Variants in SHISAL1 observed in about 807,000 individuals in gnomAD.
SHISAL1 encodes the protein shisa like 1, also known as protein shisa-like-1.
In SHISAL1, 9 loss-of-function variants were observed where a neutral mutation model predicts 22.6. That is an observed-to-expected ratio of 0.40 (90% confidence interval 0.24 to 0.70). The LOEUF (loss-of-function observed/expected upper bound fraction) is 0.70. Among genes scored for constraint, SHISAL1 ranks in the 30% least tolerant of loss-of-function variants. The probability of loss-of-function intolerance (pLI) is 0.39; values close to 1 mark genes in which losing one functional copy is unlikely to be tolerated. For missense variants in SHISAL1, 246 were observed against 270.6 expected, an observed-to-expected ratio of 0.91 and a Z score of 0.64; for synonymous variants, 119 against 115.4, an observed-to-expected ratio of 1.03 and a Z score of -0.20.
In SHISAL1 at chr22:44,247,121, T is replaced by G. The variant is rs2055008016; in HGVS notation, c.*2564A>C. On this transcript the variant is annotated 3_prime_UTR_variant, in exon 5 of 5. Transcript: ENST00000381176. ...TTTGGCAGTGACCTTTGACCCCAGG[T>G]GTCCAGGAGAGGGAGGCAAGGCCAC... The G allele has an allele frequency of 1.3e-5, 2 of 152,492 alleles. No homozygotes were observed. The highest frequency in any genetic ancestry group is 2.9e-5 in the Non-Finnish European group (2 of 68,304). The allele number at this position is 152,492 out of a possible 1,614,324, so 9.4% of individuals were successfully genotyped here. A position where few individuals can be genotyped will look rare whatever the true frequency, so the allele number is the denominator to read the frequency against.
intron 4 of SHISAL1, among the ~76,000 whole-genome samples, chr22:44,284,323 C>T (rs890795101): frequency 2.0e-5 from 3 of 152,048 alleles, no homozygotes; most frequent in African/African-American, 7.2e-5. Flanking sequence ...GTCTTACCCA[C>T]TCCTCCTTCA....
At chr22:44,285,175 C>G (rs1157977356) in intron 4 of SHISAL1, among the ~76,000 whole-genome samples, 2 of 152,234 alleles carry the variant, frequency 1.3e-5, no homozygotes, top group Admixed American at 1.3e-4. Flanking sequence ...CTCTCTCACA[C>G]TGGGCTCTAA....
At chr22:44,254,603 C>A (rs757547097) in intron 4 of SHISAL1, among the ~76,000 whole-genome samples, 4 of 152,146 alleles carry the variant, frequency 2.6e-5, no homozygotes, top group Non-Finnish European at 4.4e-5. Flanking sequence ...CTCAAGCAAT[C>A]CTCCTGCCTT....
intron 4 of SHISAL1, among the ~76,000 whole-genome samples, chr22:44,269,121 A>T (rs2055186659): frequency 6.6e-6 from 1 of 151,984 alleles, no homozygotes; most frequent in Admixed American, 6.6e-5. Flanking sequence ...CATGCCACAC[A>T]GACACCCACA....
chr22:44,261,067 C>T (rs1198151902), intron 4 of SHISAL1, among the ~76,000 whole-genome samples: 4 of 85,916 alleles, frequency 4.7e-5, no homozygotes, highest in Admixed American at 2.2e-4. Context: ...GTGGTGTTTG[C>T]TTCATTACTT....
chr22:44,271,880 T>C (rs1329217248), intron 4 of SHISAL1, among the ~76,000 whole-genome samples: 1 of 152,264 alleles, frequency 6.6e-6, no homozygotes, highest in Non-Finnish European at 1.5e-5. Context: ...TCCTCTGAGC[T>C]GGAGGCGTAT....
chr22:44,327,064 G>A, the SHISAL1 span, among the ~76,000 whole-genome samples: 6 of 152,108 alleles, frequency 3.9e-5, no homozygotes, highest in Non-Finnish European at 8.8e-5. Context: ...CCCTCTCTGG[G>A]CCTCAGTGTC....
At chr22:44,323,244 A>G in the SHISAL1 span, among the ~76,000 whole-genome samples, 2 of 135,940 alleles carry the variant, frequency 1.5e-5, no homozygotes, top group Non-Finnish European at 3.1e-5. Context: ...CCATCCATCC[A>G]TCCATTCATC....
intron 4 of SHISAL1, among the ~76,000 whole-genome samples, chr22:44,283,658 G>T (rs570744633): frequency 1.3e-5 from 2 of 152,218 alleles, no homozygotes; most frequent in Non-Finnish European, 2.9e-5. Flanking sequence ...GTTCGGCGAG[G>T]TGTGAGCTAT....
upstream of SHISAL1, among the ~76,000 whole-genome samples, chr22:44,317,295 C>G (rs560624582): frequency 1.3e-5 from 2 of 152,208 alleles, no homozygotes; most frequent in Non-Finnish European, 1.5e-5. Context: ...GAGCAGGGCC[C>G]GGCCAGCCAC....
At chr22:44,261,477 C>T (rs2147273077) in intron 4 of SHISAL1, among the ~76,000 whole-genome samples, 1 of 152,226 alleles carries the variant, frequency 6.6e-6, no homozygotes, top group East Asian at 1.9e-4. Flanking sequence ...ACCATGGCCT[C>T]AATGTCAGAC....
chr22:44,286,726 CCTTCCCCAGGGCCAGGGTCCAAGT>C (rs1326255651), intron 3 of SHISAL1, among the ~76,000 whole-genome samples: 1 of 152,196 alleles, frequency 6.6e-6, no homozygotes, highest in Non-Finnish European at 1.5e-5. Flanking sequence ...TCTCCCACAC[CCTTCCCCAGGGCCAGGGTCCAAGT>C]CTCCCCGACC....
chr22:44,315,601 C>T (rs2055552896), upstream of SHISAL1, among the ~76,000 whole-genome samples: 1 of 152,212 alleles, frequency 6.6e-6, no homozygotes, highest in South Asian at 2.1e-4. Context: ...GGCCATATAA[C>T]ATCCTCCTAT....
At position 44,246,937 on chromosome 22, in the gene SHISAL1, A is replaced by G. The variant is rs1312065535; in HGVS notation, c.*2748T>C. 6.6e-6 allele frequency: 1 copy of G among 152,160 alleles called. No individual in the cohort carries two copies. Among genetic ancestry groups the G allele is most frequent in the African/African-American group, 2.4e-5 (1 of 41,414 alleles). 9.4% of individuals were successfully genotyped at this position (152,160 alleles called of 1,614,324 possible). A position where few individuals can be genotyped will look rare whatever the true frequency, so the allele number is the denominator to read the frequency against. ...TTCCAGTCCTCAGCCCAGCTGCCCAAGAGGGACTTGGCAGAGCAGCAGGAC... is the reference window on the plus strand; with the variant it reads ...TTCCAGTCCTCAGCCCAGCTGCCCAGGAGGGACTTGGCAGAGCAGCAGGAC... On this transcript the variant is annotated 3_prime_UTR_variant, in exon 5 of 5. Transcript: ENST00000381176.
intron 1 of SHISAL1, among the ~76,000 whole-genome samples, chr22:44,309,693 T>C (rs781534440): frequency 1.1e-4 from 16 of 152,192 alleles, no homozygotes; most frequent in Non-Finnish European, 1.8e-4. Context: ...AGCACACACA[T>C]GTACACACGT....
chr22:44,265,788 A>G (rs2055157820), intron 4 of SHISAL1, among the ~76,000 whole-genome samples: 1 of 152,188 alleles, frequency 6.6e-6, no homozygotes, highest in South Asian at 2.1e-4. Flanking sequence ...CTCAGCTTGC[A>G]CACCCCAGCG....
intron 4 of SHISAL1, among the ~76,000 whole-genome samples, chr22:44,264,989 A>AAC (rs770812861): frequency 7.0e-6 from 1 of 143,854 alleles, no homozygotes; most frequent in Non-Finnish European, 1.5e-5. Flanking sequence ...CAGATCCCTT[A>AAC]ACACACACAC....
At chr22:44,309,914 A>C (rs544469898) in intron 1 of SHISAL1, among the ~76,000 whole-genome samples, 2 of 152,354 alleles carry the variant, frequency 1.3e-5, no homozygotes, top group African/African-American at 4.8e-5. Flanking sequence ...AGATCAAAGC[A>C]TGTCTTTGTG....
rs368365550 is a variant in SHISAL1, at chr22:44,300,976, G to C, written c.-31C>G. The stretch of plus-strand genomic sequence containing the variant: ...GGCTTGCATTGATCCGTCCAGAGCT[G>C]CCTGTTCAATGAGAGCCACGAGAGG... On this transcript the variant is annotated splice_region_variant and 5_prime_UTR_variant, in exon 2 of 5. Coordinates refer to ENST00000381176, the MANE Select transcript of SHISAL1 (RefSeq NM_001099294.2). 7 of 1,605,766 alleles carry C rather than the reference G, an allele frequency of 4.4e-6. No homozygotes were observed. Among genetic ancestry groups the C allele is most frequent in the East Asian group, 2.2e-5 (1 of 44,656 alleles).
Sources: gnomAD v4.1 joint callset for allele counts (sites outside exome capture counted in the v4.1 genomes callset) on GRCh38, gnomAD v4.1.1 for gene constraint, MANE v1.5 for transcripts, NCBI Gene and HGNC (gene_info 2026-07-23, HGNC 2026-07-21) for gene names.